Variants in SZT2 observed in about 807,000 individuals in gnomAD.
SZT2 encodes the protein SZT2 subunit of KICSTOR complex.
SZT2 carries 216 observed loss-of-function variants against 404.2 expected under a neutral mutation model. That is an observed-to-expected ratio of 0.53 (90% CI 0.48 to 0.60). SZT2 has a LOEUF of 0.60. SZT2 is among the 20% of genes least tolerant of loss of function. The probability of loss-of-function intolerance (pLI) is 0.00; values close to 1 mark genes in which losing one functional copy is unlikely to be tolerated. For missense variants in SZT2, 3,857 were observed against 4,459.2 expected, an observed-to-expected ratio of 0.86 and a Z score of 3.85; for synonymous variants, 1,693 against 1,749.9, an observed-to-expected ratio of 0.97 and a Z score of 0.81.
In SZT2 at chr1:43,435,222, A is replaced by C; in HGVS notation, c.5927A>C (p.His1976Pro). The C allele has an allele frequency of 1.9e-6, 3 of 1,614,194 alleles. No homozygotes were observed. Among genetic ancestry groups the C allele is most frequent in the Non-Finnish European group, 2.5e-6 (3 of 1,180,038 alleles). The part of the protein sequence containing the change: ...VNQRLLLQDL[H>P]DSHVCNSLLV... ...CAGCGACTGCTTCTTCAAGACCTTC[A>C]TGACAGCCACGTGTGTAACTCTCTT... Residue 1976 changes from histidine (H) to proline (P), a missense_variant, in exon 42 of 72, where the codon CAT (histidine) becomes CCT (proline). Coordinates refer to ENST00000634258, the MANE Select transcript of SZT2 (RefSeq NM_001365999.1).
Position 43,425,357 on chromosome 1 carries a change from G to A in SZT2, c.2646-117G>A. 6.6e-7 allele frequency: 1 copy of A among 1,519,518 alleles called. No individual in the cohort carries two copies. Among genetic ancestry groups the A allele is most frequent in the Non-Finnish European group, 9.0e-7 (1 of 1,110,680 alleles). 94.1% of individuals were successfully genotyped at this position (1,519,518 alleles called of 1,614,324 possible). A position where few individuals can be genotyped will look rare whatever the true frequency, so the allele number is the denominator to read the frequency against. ...TTAGATGCTTCATCAGGCAGACGCT[G>A]GTCTGGGAAGGCCTTGTATGACTCG... On this transcript the variant is annotated intron_variant, in intron 18 of 71. Coordinates refer to ENST00000634258, the MANE Select transcript of SZT2 (RefSeq NM_001365999.1). This position sits in a 1 kb window ranked among gnomAD's most constrained non-coding sequence, Gnocchi z 4.3.
At position 43,424,263 on chromosome 1, in the gene SZT2, T is replaced by C. The variant is rs760969362; in HGVS notation, c.2302T>C (p.Leu768=). The change falls in exon 16 of 72, where the codon TTG becomes CTG. Residue 768 remains leucine (L), a synonymous_variant. Transcript: ENST00000634258. The surrounding 1 kb of genome is among the most constrained non-coding windows in gnomAD (Gnocchi z 4.1). Reference sequence around the variant, plus strand: ...CTACCGGGCACCCTTCTTGCTGACATTGGAGCCACCAGGTCCACTGCCCTT... The same window carrying C: ...CTACCGGGCACCCTTCTTGCTGACACTGGAGCCACCAGGTCCACTGCCCTT... ...LDYRAPFLLT[L]EPPGPLPLVS... is the part of the protein sequence containing the mutation. 1.1e-5 allele frequency: 18 copies of C among 1,597,830 alleles called. No individual in the cohort carries two copies. The highest frequency in any genetic ancestry group is 2.7e-5 in the African/African-American group (2 of 74,804).
rs1300465170 is a variant in SZT2 at position 43,448,173 on chromosome 1, CCT to C, written c.9659_9660del (p.Pro3220ArgfsTer71). 15 of 1,611,934 alleles carry C rather than the reference CCT, an allele frequency of 9.3e-6. No homozygotes were observed. Among genetic ancestry groups the C allele is most frequent in the African/African-American group, 1.3e-5 (1 of 74,878 alleles). On this transcript the variant is annotated frameshift_variant, in exon 69 of 72. Coordinates refer to ENST00000634258, the MANE Select transcript of SZT2 (RefSeq NM_001365999.1). LOFTEE classifies it high-confidence loss of function. The surrounding 1 kb of genome is among the most constrained non-coding windows in gnomAD (Gnocchi z 4.2). ...RRFRKPPRLP[P>X]EPEAPGSSAG... ...CTTCCGGAAGCCACCCAGACTGCCCCCTGAGCCAGAGGCTCCTGGGAGTTCAG... is the reference window on the plus strand; with the variant it reads ...CTTCCGGAAGCCACCCAGACTGCCCCGAGCCAGAGGCTCCTGGGAGTTCAG...
At chr1:43,445,155 C>T (rs1655522501) in intron 62 of SZT2, 1 of 152,182 alleles carries the variant, frequency 6.6e-6, no homozygotes, top group African/African-American at 2.4e-5. Flanking sequence ...TATGCTCTTT[C>T]CCCCAAATCT....
chr1:43,454,046 T>C lies in SZT2; in HGVS notation c.*3566T>C, dbSNP rs1656768438. 1 of 1,145,452 alleles carries C rather than the reference T, an allele frequency of 8.7e-7. No individual in the cohort carries two copies. The highest frequency in any genetic ancestry group is 4.4e-5 in the East Asian group (1 of 22,832). 71.0% of individuals were successfully genotyped at this position (1,145,452 alleles called of 1,614,324 possible). ...CCGGAAAAGGAGCAGGACCCGCGCC[T>C]GGAGAAGGTAGGGAGGCCGAGCTCC... On this transcript the variant is annotated 3_prime_UTR_variant, in exon 72 of 72. Transcript: ENST00000634258.
intron 1 of SZT2, among the ~76,000 whole-genome samples, chr1:43,392,552 C>G (rs1028285077): frequency 1.3e-5 from 2 of 151,960 alleles, no homozygotes; most frequent in Admixed American, 1.3e-4. Context: ...GTAGCTGGGA[C>G]TACAGGCGCC....
chr1:43,443,483 G>C lies in SZT2; in HGVS notation c.8625+6G>C. The C allele has an allele frequency of 1.9e-6, 3 of 1,614,096 alleles. No individual in the cohort carries two copies. The highest frequency in any genetic ancestry group is 1.3e-5 in the African/African-American group (1 of 75,050). On this transcript the variant is annotated splice_donor_region_variant and intron_variant, in intron 61 of 71. Transcript: ENST00000634258. ...CTGGACCCCCTGACGGGCAGGTAAG[G>C]CTGACTCCCAGACTTCTAGCAGACC...
chr1:43,409,473 C>T, intron 4 of SZT2: 1 of 385,480 alleles, frequency 2.6e-6, no homozygotes, highest in South Asian at 2.0e-5. Flanking sequence ...GAAAATAAGT[C>T]AAATTATCCT....
chr1:43,414,844 A>G (rs1197228620), intron 4 of SZT2, among the ~76,000 whole-genome samples: 1 of 152,152 alleles, frequency 6.6e-6, no homozygotes, highest in African/African-American at 2.4e-5. Context: ...AGTGTGGAGG[A>G]CCCTAAGCAG....
intron 7 of SZT2, among the ~76,000 whole-genome samples, chr1:43,417,687 G>T (rs192330840): frequency 1.3e-5 from 2 of 152,216 alleles, no homozygotes; most frequent in Non-Finnish European, 2.9e-5. Context: ...AGCATTGTAC[G>T]TAATCACTTA....
intron 41 of SZT2, 106 bp from the exon 42 acceptor site, chr1:43,435,094 C>A: frequency 7.6e-7 from 1 of 1,324,340 alleles, no homozygotes; most frequent in Non-Finnish European, 1.1e-6. Context: ...GACCTCCAAT[C>A]CCCAGTGATA....
At chr1:43,415,716 C>G (rs1490322813) in intron 5 of SZT2, among the ~76,000 whole-genome samples, 17 of 152,160 alleles carry the variant, frequency 1.1e-4, no homozygotes. Flanking sequence ...GATGGAGAAG[C>G]CCTACTTCAG....
rs1358653606 is a variant in SZT2, at chr1:43,448,829, G to C, written c.10086+101G>C. On this transcript the variant is annotated intron_variant, in intron 70 of 71. Coordinates refer to ENST00000634258, the MANE Select transcript of SZT2 (RefSeq NM_001365999.1). This position sits in a 1 kb window ranked among gnomAD's most constrained non-coding sequence, Gnocchi z 4.2. Reference sequence around the variant, plus strand: ...GACCAAACAAGCTCTGCTCTGGAGGGAGGCCTAGACAGAACGGGACTACAC... The same window carrying C: ...GACCAAACAAGCTCTGCTCTGGAGGCAGGCCTAGACAGAACGGGACTACAC... The C allele has an allele frequency of 8.8e-7, 1 of 1,137,810 alleles. No individual in the cohort carries two copies. 70.5% of individuals were successfully genotyped at this position (1,137,810 alleles called of 1,614,324 possible).
chr1:43,424,670 C>T lies in SZT2; in HGVS notation c.2472-114C>T. The stretch of plus-strand genomic sequence containing the variant: ...CCGCCAGTCTAAGCAGGGCCAGCAG[C>T]AGACTTGGCTCCTTGAGGACTGCTG... On this transcript the variant is annotated intron_variant, in intron 16 of 71. Transcript: ENST00000634258. This position sits in a 1 kb window ranked among gnomAD's most constrained non-coding sequence, Gnocchi z 4.1. The T allele has an allele frequency of 2.1e-6, 2 of 961,060 alleles. No individual in the cohort carries two copies. The highest frequency in any genetic ancestry group is 1.5e-5 in the South Asian group (1 of 67,050). The allele number at this position is 961,060 out of a possible 1,614,324, so 59.5% of individuals were successfully genotyped here.
At position 43,441,481 on chromosome 1, in the gene SZT2, G is replaced by A; in HGVS notation, c.7512-23G>A. The A allele has an allele frequency of 6.2e-7, 1 of 1,611,746 alleles. No homozygotes were observed. The highest frequency in any genetic ancestry group is 1.1e-5 in the South Asian group (1 of 90,566). ...TACAAGTGTCATGTATGGACATGAG[G>A]CTCTTACTCCCACTGTCTTCAGGCG... On this transcript the variant is annotated intron_variant, in intron 53 of 71. Transcript: ENST00000634258. This position sits in a 1 kb window ranked among gnomAD's most constrained non-coding sequence, Gnocchi z 4.8.
At chr1:43,419,058 T>C (rs1190242629) in intron 7 of SZT2, among the ~76,000 whole-genome samples, 1 of 152,248 alleles carries the variant, frequency 6.6e-6, no homozygotes, top group African/African-American at 2.4e-5. Context: ...GGAGCAGGTC[T>C]GCAAACACTT....
chr1:43,437,095 C>G lies in SZT2; in HGVS notation c.6035-76C>G. 3.2e-6 allele frequency: 5 copies of G among 1,568,738 alleles called. No homozygotes were observed. In the Admixed American group the frequency reaches 8.6e-5, roughly 27 times the overall value. On this transcript the variant is annotated intron_variant, in intron 42 of 71. Coordinates refer to ENST00000634258, the MANE Select transcript of SZT2 (RefSeq NM_001365999.1). This position sits in a 1 kb window ranked among gnomAD's most constrained non-coding sequence, Gnocchi z 5.3. ...TCTGGAGGAGTGAGGACAAGTAGGC[C>G]AGTTCCCAGGTGAGAAGTCTGTGGA...
intron 7 of SZT2, among the ~76,000 whole-genome samples, chr1:43,418,276 G>T (rs1379533755): frequency 6.6e-6 from 1 of 152,184 alleles, no homozygotes; most frequent in Non-Finnish European, 1.5e-5. Context: ...AGAGACTTAA[G>T]CATGTTTCTA....
chr1:43,440,642 TC>T, intron 52 of SZT2, 56 bp downstream of exon 52: 1 of 1,484,626 alleles, frequency 6.7e-7, no homozygotes, highest in East Asian at 2.5e-5. Flanking sequence ...TCCTAGCTCC[TC>T]CCACACTCCC....
Sources: gnomAD v4.1 joint callset for allele counts (sites outside exome capture counted in the v4.1 genomes callset) on GRCh38, gnomAD v4.1.1 for gene constraint, Gnocchi (gnomAD v3.1) non-coding constraint, MANE v1.5 for transcripts, NCBI Gene and HGNC (gene_info 2026-07-23, HGNC 2026-07-21) for gene names.